The following SH3BP1 variants were observed in gnomAD, a reference collection of about 807,000 sequenced individuals.
SH3BP1 encodes SH3 domain binding protein 1.
In SH3BP1, 46 loss-of-function variants were observed where a neutral mutation model predicts 69.8. The observed-to-expected ratio is 0.66, with a 90% confidence interval of 0.52 to 0.84. The LOEUF (loss-of-function observed/expected upper bound fraction) is 0.84. Ranked by LOEUF, SH3BP1 falls within the 40% of genes least tolerant of loss-of-function variation. The pLI, the probability that SH3BP1 is intolerant of heterozygous loss-of-function variation, is 0.00. For synonymous variants in SH3BP1, 403 were observed against 378.0 expected (o/e 1.07, Z -0.77); for missense variants, 868 against 930.9 (o/e 0.93, Z 0.88).
chr22:37,644,731 A>T, intron 8 of SH3BP1, 26 bp downstream of exon 8: 6 of 1,613,640 alleles, frequency 3.7e-6, no homozygotes, highest in Non-Finnish European at 5.1e-6. Context: ...GGCCCCAGCC[A>T]TCCAGAGTTC....
intron 13 of SH3BP1, among the ~76,000 whole-genome samples, chr22:37,647,848 G>A (rs1376322326): frequency 6.6e-6 from 1 of 151,946 alleles, no homozygotes; most frequent in African/African-American, 2.4e-5. Context: ...GCTAATTTTT[G>A]TATTTTTAGT....
At chr22:37,641,793 G>A (rs1182353394) in intron 3 of SH3BP1, 1 of 332,088 alleles carries the variant, frequency 3.0e-6, no homozygotes, top group East Asian at 6.0e-5. Context: ...CCTGAAGGAG[G>A]TAGCAATTGA....
intron 4 of SH3BP1, 22 bp downstream of exon 4, chr22:37,642,637 C>T (rs78875083): frequency 0.011 from 17,770 of 1,613,126 alleles, 106 homozygotes; most frequent in Non-Finnish European, 0.014. Flanking sequence ...CGGGGCCCAG[C>T]CCTCACCTGG....
intron 7 of SH3BP1, among the ~76,000 whole-genome samples, chr22:37,644,398 A>G (rs767332254): frequency 5.3e-5 from 8 of 152,224 alleles, no homozygotes; most frequent in Non-Finnish European, 1.2e-4. Context: ...AAAACAAAAA[A>G]CAAGGCACTG....
Position 37,643,140 on chromosome 22 carries a change from A to G in SH3BP1, c.439A>G (p.Lys147Glu). Residue 147 changes from lysine (K) to glutamate (E), a missense_variant, in exon 6 of 18, where the codon AAG (lysine) becomes GAG (glutamate). Coordinates refer to ENST00000649765, the MANE Select transcript of SH3BP1 (RefSeq NM_018957.6). ...CCTCAAACACAAGAAAAGCCTCCAG[A>G]AGCTCGTGTCCGACTGGAACACACT... is the stretch of plus-strand genomic sequence containing the variant. Reference protein sequence around the residue: ...AILKHKKSLQKLVSDWNTLKS... With the variant: ...AILKHKKSLQELVSDWNTLKS... 1 of 1,610,326 alleles carries G rather than the reference A, an allele frequency of 6.2e-7. No homozygotes were observed. Among genetic ancestry groups the G allele is most frequent in the Non-Finnish European group, 8.5e-7 (1 of 1,178,426 alleles).
chr22:37,648,253 CT>C, intron 13 of SH3BP1, 65 bp from the exon 14 acceptor site: 1 of 1,140,224 alleles, frequency 8.8e-7, no homozygotes, highest in South Asian at 1.3e-5. Flanking sequence ...TTTGGAAACC[CT>C]GGGCTGGAGA....
At position 37,643,417 on chromosome 22, in the gene SH3BP1, G is replaced by A. The variant is rs139171793; in HGVS notation, c.474-227G>A. Reference sequence around the variant, plus strand: ...CCTGGGATCCTGTAAACAGTCCTGCGGCAGCCCTGTTCTCCCCTCTGTGGA... The same window carrying A: ...CCTGGGATCCTGTAAACAGTCCTGCAGCAGCCCTGTTCTCCCCTCTGTGGA... On this transcript the variant is annotated intron_variant, in intron 6 of 17. Transcript: ENST00000649765. The A allele has an allele frequency of 4.6e-3, 3,062 of 672,718 alleles. 14 individuals carry two copies. Among genetic ancestry groups the A allele is most frequent in the Middle Eastern group, 0.018 (44 of 2,512 alleles). 41.7% of individuals were successfully genotyped at this position (672,718 alleles called of 1,614,324 possible).
chr22:37,655,250 T>C, intron 17 of SH3BP1, 22 bp from the exon 18 acceptor site: 1 of 1,567,082 alleles, frequency 6.4e-7, no homozygotes, highest in Non-Finnish European at 8.6e-7. Flanking sequence ...TCAGCCTCCC[T>C]CACCCTTTCC....
chr22:37,647,555 G>A, intron 13 of SH3BP1, 34 bp downstream of exon 13: 1 of 1,553,974 alleles, frequency 6.4e-7, no homozygotes, highest in African/African-American at 1.4e-5. Flanking sequence ...GCCTGCCGCA[G>A]AGCCAGAGCC....
Position 37,650,580 on chromosome 22 carries a change from A to G in SH3BP1, c.1453A>G (p.Thr485Ala). 6.2e-7 allele frequency: 1 copy of G among 1,613,512 alleles called. No homozygotes were observed. Among genetic ancestry groups the G allele is most frequent in the Non-Finnish European group, 8.5e-7 (1 of 1,179,786 alleles). The change falls in exon 16 of 18, where the codon ACC (threonine) becomes GCC (alanine). Residue 485 changes from threonine (T) to alanine (A), a missense_variant. Thr to Ala is a moderately conservative substitution (Grantham distance 58, BLOSUM62 0). Around this residue, in one of 3 missense-constraint regions of SH3BP1, gnomAD observed 474 missense variants for 462.3 expected, o/e 1.03. Transcript: ENST00000649765. ...CGTGTCAGGCCTCTTCTCAGCTGTT[A>G]CCCTCCAGGACACAGTCAGTGACAG... ...FNVSGLFSAV[T>A]LQDTVSDRLA...
chr22:37,639,708 C>T lies in SH3BP1; in HGVS notation c.-80C>T. On this transcript the variant is annotated 5_prime_UTR_variant, in exon 1 of 18. Transcript: ENST00000649765. ...CCCATCCGGGGCAAGAGCCGCGCCG[C>T]AGGAGAGGCAGGCTGGACCGGGGGC... is the stretch of plus-strand genomic sequence containing the variant. 1.1e-6 allele frequency: 1 copy of T among 881,078 alleles called. No homozygotes were observed. The highest frequency in any genetic ancestry group is 1.9e-5 in the South Asian group (1 of 53,484). 54.6% of individuals were successfully genotyped at this position (881,078 alleles called of 1,614,324 possible). A position where few individuals can be genotyped will look rare whatever the true frequency, so the allele number is the denominator to read the frequency against.
At chr22:37,655,131 C>T (rs1932982366) in intron 17 of SH3BP1, 141 bp from the exon 18 acceptor site, 2 of 636,282 alleles carry the variant, frequency 3.1e-6, no homozygotes, top group Non-Finnish European at 5.2e-6. Context: ...GAGGCCTAGA[C>T]GATGAGGAGC....
At chr22:37,642,225 C>A in intron 3 of SH3BP1, 1 of 397,692 alleles carries the variant, frequency 2.5e-6, no homozygotes, top group Non-Finnish European at 4.8e-6. Flanking sequence ...TCTCCCTCCA[C>A]CTGTGTGACC....
At chr22:37,648,238 C>A in intron 13 of SH3BP1, 81 bp from the exon 14 acceptor site, 1 of 978,666 alleles carries the variant, frequency 1.0e-6, no homozygotes. Flanking sequence ...GTGTCTTTCA[C>A]ACTCTTTGGA....
intron 17 of SH3BP1, 132 bp downstream of exon 17, chr22:37,654,005 T>C: frequency 1.5e-6 from 1 of 662,760 alleles, no homozygotes; most frequent in Non-Finnish European, 2.6e-6. Flanking sequence ...GCCCAGGTCT[T>C]GCCACCTGGC....
chr22:37,643,312 T>C, intron 6 of SH3BP1, 138 bp downstream of exon 6: 1 of 779,012 alleles, frequency 1.3e-6, no homozygotes, highest in South Asian at 1.6e-5. Flanking sequence ...GCACGCCTGG[T>C]CCCTAGGAGC....
chr22:37,639,925 G>A (rs1463539829), intron 1 of SH3BP1, 79 bp downstream of exon 1: 3 of 1,064,038 alleles, frequency 2.8e-6, no homozygotes, highest in South Asian at 1.5e-5. Context: ...GGAGACGGGG[G>A]TGGGGGAGGC....
rs79186571 is a variant in SH3BP1 at position 37,655,771 on chromosome 22, G to C, written c.*87G>C. On this transcript the variant is annotated 3_prime_UTR_variant, in exon 18 of 18. Transcript: ENST00000649765. ...GACAGCTCTCGCCCCCCACAAAGGG[G>C]CATGGGCCTCCAGCCTTTGCCCACA... 7.7e-3 allele frequency: 11,146 copies of C among 1,446,940 alleles called. 757 individuals are homozygous for C. In the African/African-American group the frequency reaches 0.14, roughly 19 times the overall value. The allele number at this position is 1,446,940 out of a possible 1,614,324, so 89.6% of individuals were successfully genotyped here.
intron 16 of SH3BP1, among the ~76,000 whole-genome samples, chr22:37,653,010 G>C (rs1391181441): frequency 3.3e-5 from 5 of 151,352 alleles, no homozygotes; most frequent in Non-Finnish European, 7.4e-5. Flanking sequence ...GGTGGCGCAC[G>C]CCTGTAATCT....
Sources: allele counts gnomAD v4.1 joint callset (sites outside exome capture counted in the v4.1 genomes callset), GRCh38; gene constraint gnomAD v4.1.1; regional missense constraint gnomAD v4.1.1; transcripts MANE v1.5; gene names NCBI Gene and HGNC (gene_info 2026-07-23, HGNC 2026-07-21).